Variants in CSMD1 observed in about 807,000 individuals in gnomAD.
CSMD1 encodes the protein CUB and sushi domain-containing protein 1.
A neutral mutation model predicts 417.5 loss-of-function variants in CSMD1; 213 were observed. The observed-to-expected ratio is 0.51, with a 90% confidence interval of 0.46 to 0.57. CSMD1 has a LOEUF of 0.57. CSMD1 is among the 20% of genes least tolerant of loss of function. The pLI is 0.00. For missense variants in CSMD1, 6,923 were observed against 4,529.7 expected, an observed-to-expected ratio of 1.53 and a Z score of -15.17; for synonymous variants, 2,862 against 1,736.8, an observed-to-expected ratio of 1.65 and a Z score of -16.11.
intron 3 of CSMD1, among the ~76,000 whole-genome samples, chr8:4,205,824 C>A (rs753459221): frequency 6.6e-6 from 1 of 151,956 alleles, no homozygotes; most frequent in Non-Finnish European, 1.5e-5. Flanking sequence ...GAAAATTCTC[C>A]CCCATTAACA....
intron 3 of CSMD1, among the ~76,000 whole-genome samples, chr8:4,390,849 C>G (rs1157241185): frequency 6.6e-6 from 1 of 152,000 alleles, no homozygotes; most frequent in African/African-American, 2.4e-5. Flanking sequence ...CCAAAAGTAT[C>G]CAATTTTAAG....
chr8:3,465,229 C>G (rs951944997), intron 12 of CSMD1, among the ~76,000 whole-genome samples: 6 of 152,136 alleles, frequency 3.9e-5, no homozygotes, highest in African/African-American at 1.4e-4. Flanking sequence ...AGGGGATGCA[C>G]AGGCCCTGGT....
chr8:4,705,924 C>G (rs185792003), intron 1 of CSMD1, among the ~76,000 whole-genome samples: 1 of 151,920 alleles, frequency 6.6e-6, no homozygotes, highest in African/African-American at 2.4e-5. Context: ...ATTGTTGGTG[C>G]TGCTTATTTG....
intron 25 of CSMD1, among the ~76,000 whole-genome samples, chr8:3,299,900 T>A (rs1490909915): frequency 6.6e-6 from 1 of 152,260 alleles, no homozygotes; most frequent in Non-Finnish European, 1.5e-5. Context: ...GCTGGTGGTA[T>A]ATCTACTCCT....
intron 12 of CSMD1, among the ~76,000 whole-genome samples, chr8:3,437,097 G>A (rs780258537): frequency 6.6e-6 from 1 of 152,148 alleles, no homozygotes; most frequent in Non-Finnish European, 1.5e-5. Flanking sequence ...AAAGACTGAA[G>A]TGCAAACTCA....
chr8:4,882,794 T>C (rs1803495066), intron 1 of CSMD1, among the ~76,000 whole-genome samples: 1 of 152,002 alleles, frequency 6.6e-6, no homozygotes, highest in Non-Finnish European at 1.5e-5. Flanking sequence ...GAACACTTCC[T>C]CCTTTTTCAG....
rs1268889131 is a variant in CSMD1, at chr8:3,712,394, GAGAGAGAC to G, written c.932-3911_932-3904del. On this transcript the variant is annotated intron_variant, in intron 6 of 69. Coordinates refer to ENST00000635120, the MANE Select transcript of CSMD1 (RefSeq NM_033225.6). ...GAAACAGGAGAGAGAGAGAGAGAGA[GAGAGAGAC>G]AGACAGACAGACAGACAGACAGACA... 1.9e-3 allele frequency among the ~76,000 whole-genome samples: 147 copies of G among 78,438 alleles called. 1 individual carries two copies. The highest frequency in any genetic ancestry group is 5.7e-3 in the African/African-American group (120 of 21,092). The allele number at this position is 78,438 out of a possible 152,430, so 51.5% of individuals were successfully genotyped here. A position where few individuals can be genotyped will look rare whatever the true frequency, so the allele number is the denominator to read the frequency against.
chr8:3,628,051 A>T (rs1440515280), intron 7 of CSMD1, among the ~76,000 whole-genome samples: 1 of 152,230 alleles, frequency 6.6e-6, no homozygotes, highest in Non-Finnish European at 1.5e-5. Context: ...AAGCAGATTA[A>T]AAAACAGAAC....
intron 1 of CSMD1, among the ~76,000 whole-genome samples, chr8:4,992,219 A>C (rs1811506324): frequency 2.0e-5 from 3 of 149,722 alleles, no homozygotes; most frequent in East Asian, 2.0e-4. Context: ...GGCCCTCCAC[A>C]CCCTCCCTCC....
chr8:3,949,332 T>C (rs1811448012), intron 5 of CSMD1, among the ~76,000 whole-genome samples: 1 of 152,136 alleles, frequency 6.6e-6, no homozygotes, highest in African/African-American at 2.4e-5. Flanking sequence ...TGTTGTAGCC[T>C]CTGACCAAGA....
At position 4,039,635 on chromosome 8, in the gene CSMD1, G is replaced by A. The variant is rs578170766; in HGVS notation, c.416-7536C>T. On this transcript the variant is annotated intron_variant, in intron 3 of 69. Transcript: ENST00000635120. ...ATGAGGAATGACAGTGAAAGAGAAGGACCTCATGGGACGTAATCAGAACTG... is the reference window on the plus strand; with the variant it reads ...ATGAGGAATGACAGTGAAAGAGAAGAACCTCATGGGACGTAATCAGAACTG... Among the ~76,000 whole-genome samples, 4 of 152,180 alleles carry A rather than the reference G, an allele frequency of 2.6e-5. No homozygotes were observed. In the East Asian group the frequency reaches 7.7e-4, roughly 29 times the overall value.
At chr8:4,822,586 T>C (rs1021314421) in intron 1 of CSMD1, among the ~76,000 whole-genome samples, 2 of 152,054 alleles carry the variant, frequency 1.3e-5, no homozygotes, top group African/African-American at 4.8e-5. Flanking sequence ...TTTATATTTT[T>C]AGCAATTTTT....
chr8:3,027,185 G>A (rs896104299), intron 51 of CSMD1, among the ~76,000 whole-genome samples: 3 of 151,842 alleles, frequency 2.0e-5, no homozygotes, highest in Non-Finnish European at 4.4e-5. Flanking sequence ...AGGCCTTTTG[G>A]GGGGAAAAAA....
intron 2 of CSMD1, among the ~76,000 whole-genome samples, chr8:4,507,875 T>C (rs186093543): frequency 3.9e-5 from 6 of 152,280 alleles, no homozygotes; most frequent in Admixed American, 3.9e-4. Flanking sequence ...CAATTTCAGT[T>C]TAACATCTTT....
chr8:3,329,886 G>A (rs13262776), intron 23 of CSMD1, among the ~76,000 whole-genome samples: 1 of 152,164 alleles, frequency 6.6e-6, no homozygotes, highest in Non-Finnish European at 1.5e-5. Context: ...GAGGCTCATG[G>A]AAATGCTTTG....
At chr8:4,451,267 G>A (rs890421751) in intron 2 of CSMD1, among the ~76,000 whole-genome samples, 19 of 152,096 alleles carry the variant, frequency 1.2e-4, no homozygotes, top group African/African-American at 4.3e-4. Context: ...GGAGGTCCAG[G>A]CGGCAGTGAT....
chr8:3,042,272 G>T (rs1457237454), intron 50 of CSMD1, among the ~76,000 whole-genome samples: 1 of 151,840 alleles, frequency 6.6e-6, no homozygotes, highest in Non-Finnish European at 1.5e-5. Context: ...ATCTAGCACA[G>T]AGACTCGTGC....
At chr8:4,274,450 A>T (rs1457945073) in intron 3 of CSMD1, among the ~76,000 whole-genome samples, 1 of 152,168 alleles carries the variant, frequency 6.6e-6, no homozygotes, top group Non-Finnish European at 1.5e-5. Context: ...TTATTGATTA[A>T]TCGTCAGCAC....
chr8:3,048,531 C>T (rs570119831), intron 50 of CSMD1, among the ~76,000 whole-genome samples: 1 of 152,244 alleles, frequency 6.6e-6, no homozygotes, highest in East Asian at 1.9e-4. Flanking sequence ...TGGATATCTA[C>T]ATTCTAAAAA....
Sources: gnomAD v4.1 joint callset for allele counts (sites outside exome capture counted in the v4.1 genomes callset) on GRCh38, gnomAD v4.1.1 for gene constraint, MANE v1.5 for transcripts, NCBI Gene and HGNC (gene_info 2026-07-23, HGNC 2026-07-21) for gene names.